RMST: variants seen among roughly 807,000 people sequenced by gnomAD.
RMST encodes rhabdomyosarcoma 2 associated transcript.
At chr12:97,475,599 T>TA (rs1874459511) in intron 5 of RMST, among the ~76,000 whole-genome samples, 1 of 151,348 alleles carries the variant, frequency 6.6e-6, no homozygotes, top group Non-Finnish European at 1.5e-5. Flanking sequence ...TTTTTTTTTT[T>TA]ACCATTTCCC....
intron 4 of RMST, among the ~76,000 whole-genome samples, chr12:97,464,033 TA>T (rs1872890172): frequency 2.0e-5 from 3 of 152,178 alleles, no homozygotes; most frequent in South Asian, 2.1e-4. Flanking sequence ...AGTCGCACGC[TA>T]AAAAGAAATC....
intron 10 of RMST, among the ~76,000 whole-genome samples, chr12:97,521,721 G>A (rs1880532861): frequency 6.6e-6 from 1 of 152,096 alleles, no homozygotes; most frequent in Admixed American, 6.6e-5. Flanking sequence ...AAATGTGAAA[G>A]GTTACTCAAT....
At chr12:97,563,999 T>C (rs1884346653) in intron 13 of RMST, 1 of 395,938 alleles carries the variant, frequency 2.5e-6, no homozygotes, top group East Asian at 7.6e-5. Context: ...ATAGCTCTGC[T>C]ACCTGCCTGG....
chr12:97,505,471 T>A (rs1878568136), intron 10 of RMST, among the ~76,000 whole-genome samples: 1 of 152,228 alleles, frequency 6.6e-6, no homozygotes, highest in South Asian at 2.1e-4. Context: ...CAGTGAAAAC[T>A]CAGTAACATT....
At chr12:97,556,995 CTT>C (rs1883753745) in intron 11 of RMST, among the ~76,000 whole-genome samples, 1 of 151,156 alleles carries the variant, frequency 6.6e-6, no homozygotes, top group East Asian at 1.9e-4. Flanking sequence ...TATGGCTTGT[CTT>C]TTTCACTTAA....
At chr12:97,463,830 A>C (rs1308804625) in intron 4 of RMST, among the ~76,000 whole-genome samples, 1 of 152,128 alleles carries the variant, frequency 6.6e-6, no homozygotes, top group Admixed American at 6.6e-5. Context: ...TATATATGAA[A>C]TGTACAATAG....
intron 4 of RMST, among the ~76,000 whole-genome samples, chr12:97,463,486 G>A (rs1872817554): frequency 6.6e-6 from 1 of 152,212 alleles, no homozygotes; most frequent in East Asian, 1.9e-4. Flanking sequence ...CTGAGTGGAA[G>A]GGTGAGCTGC....
chr12:97,533,501 T>C (rs1881839331), intron 11 of RMST: 1 of 151,860 alleles, frequency 6.6e-6, no homozygotes, highest in South Asian at 2.1e-4. Context: ...AGTTCAAAAA[T>C]GCTGTAGGAG....
intron 10 of RMST, among the ~76,000 whole-genome samples, chr12:97,522,758 G>A (rs1481383050): frequency 2.0e-5 from 3 of 152,078 alleles, no homozygotes; most frequent in Non-Finnish European, 4.4e-5. Context: ...TATTTCAAGT[G>A]TGTGTGTGGT....
intron 5 of RMST, among the ~76,000 whole-genome samples, chr12:97,486,391 G>A (rs1049673001): frequency 6.6e-6 from 1 of 152,120 alleles, no homozygotes; most frequent in Non-Finnish European, 1.5e-5. Context: ...GCAAAAGCAG[G>A]TGAGGGCCAT....
chr12:97,492,635 T>A (rs1449626195), intron 6 of RMST: 3 of 152,152 alleles, frequency 2.0e-5, no homozygotes, highest in Non-Finnish European at 4.4e-5. Flanking sequence ...AAACATGACT[T>A]GTTTTGTTTT....
intron 10 of RMST, among the ~76,000 whole-genome samples, chr12:97,499,207 A>AT (rs1377233984): frequency 6.6e-6 from 1 of 150,864 alleles, no homozygotes; most frequent in Non-Finnish European, 1.5e-5. Context: ...TCCTTTGAAC[A>AT]TTTTTTCCTA....
chr12:97,475,343 A>G (rs1237755043), intron 5 of RMST, among the ~76,000 whole-genome samples: 2 of 152,140 alleles, frequency 1.3e-5, no homozygotes, highest in Non-Finnish European at 1.5e-5. Context: ...TCTATGTCTG[A>G]TGGCATTTGG....
intron 5 of RMST, among the ~76,000 whole-genome samples, chr12:97,470,615 T>G (rs1873801180): frequency 6.6e-6 from 1 of 152,108 alleles, no homozygotes; most frequent in Non-Finnish European, 1.5e-5. Flanking sequence ...CTTCCTGGAA[T>G]AGATTGTCAC....
At chr12:97,531,718 T>A (rs1477395285) in intron 11 of RMST, among the ~76,000 whole-genome samples, 1 of 151,948 alleles carries the variant, frequency 6.6e-6, no homozygotes, top group Non-Finnish European at 1.5e-5. Flanking sequence ...TGCAATATAA[T>A]CGGGGACGTA....
At chr12:97,522,277 T>C (rs1051969929) in intron 10 of RMST, among the ~76,000 whole-genome samples, 9 of 152,244 alleles carry the variant, frequency 5.9e-5, no homozygotes, top group Non-Finnish European at 1.3e-4. Context: ...TTCTGACCTA[T>C]ATTCATTCTT....
chr12:97,498,735 A>C (rs2136470825), intron 10 of RMST, among the ~76,000 whole-genome samples: 1 of 152,276 alleles, frequency 6.6e-6, no homozygotes, highest in Admixed American at 6.5e-5. Context: ...TTTCTTGAGA[A>C]GTCCTTATGG....
intron 11 of RMST, among the ~76,000 whole-genome samples, chr12:97,541,904 G>T (rs1882571325): frequency 6.6e-6 from 1 of 151,854 alleles, no homozygotes; most frequent in Non-Finnish European, 1.5e-5. Flanking sequence ...CATAAAACGT[G>T]CAAGGCACAA....
intron 5 of RMST, among the ~76,000 whole-genome samples, chr12:97,468,524 G>A: frequency 6.6e-6 from 1 of 151,912 alleles, no homozygotes; most frequent in Non-Finnish European, 1.5e-5. Context: ...CAGTGTTCTT[G>A]TGATTTATAA....
Sources: allele counts gnomAD v4.1 joint callset (sites outside exome capture counted in the v4.1 genomes callset), GRCh38; gene constraint gnomAD v4.1.1; transcripts MANE v1.5; gene names NCBI Gene and HGNC (gene_info 2026-07-23, HGNC 2026-07-21).